SEZ6L: variants seen among roughly 807,000 people sequenced by gnomAD.
The protein encoded by SEZ6L is seizure related 6 homolog like.
SEZ6L carries 37 observed loss-of-function variants against 106.2 expected under a neutral mutation model. The ratio of observed to expected loss-of-function variants is 0.35; its 90% CI spans 0.27 to 0.46. The LOEUF is 0.46. SEZ6L is among the 20% of genes least tolerant of loss of function. The pLI, the probability that SEZ6L is intolerant of heterozygous loss-of-function variation, is 1.00. For synonymous variants in SEZ6L, 541 were observed against 570.4 expected, an observed-to-expected ratio of 0.95 and a Z score of 0.73; for missense variants, 1,172 against 1,332.8, an observed-to-expected ratio of 0.88 and a Z score of 1.88.
At chr22:26,331,524 GA>G (rs1466413993) in intron 9 of SEZ6L, among the ~76,000 whole-genome samples, 2 of 151,982 alleles carry the variant, frequency 1.3e-5, no homozygotes, top group East Asian at 3.8e-4. Context: ...AACCATAACA[GA>G]AAGCTTTTAT....
At chr22:26,178,691 T>G (rs1939185682) in intron 1 of SEZ6L, among the ~76,000 whole-genome samples, 1 of 152,148 alleles carries the variant, frequency 6.6e-6, no homozygotes. Context: ...CAAAATGGAA[T>G]GGGCTCTTCA....
chr22:26,187,216 T>C (rs780136540), intron 1 of SEZ6L, among the ~76,000 whole-genome samples: 1 of 152,202 alleles, frequency 6.6e-6, no homozygotes, highest in Non-Finnish European at 1.5e-5. Flanking sequence ...AAACATGTCC[T>C]TCTTCACATG....
At chr22:26,284,986 A>G (rs1445372876) in intron 1 of SEZ6L, among the ~76,000 whole-genome samples, 1 of 152,070 alleles carries the variant, frequency 6.6e-6, no homozygotes, top group Admixed American at 6.5e-5. Context: ...ATGAGATCCT[A>G]AGAGGGAATG....
At chr22:26,337,252 A>G (rs1278072278) in intron 9 of SEZ6L, among the ~76,000 whole-genome samples, 3 of 152,354 alleles carry the variant, frequency 2.0e-5, no homozygotes, top group African/African-American at 7.2e-5. Flanking sequence ...ACATTGCTCC[A>G]TCCTATTTTA....
intron 9 of SEZ6L, among the ~76,000 whole-genome samples, chr22:26,322,818 C>T (rs1054163970): frequency 6.6e-6 from 1 of 152,140 alleles, no homozygotes; most frequent in African/African-American, 2.4e-5. Flanking sequence ...ACCACGTATC[C>T]CTCCCAGCTC....
At chr22:26,284,604 C>CAAAAAAAAAAAAAAAA (rs137198) in intron 1 of SEZ6L, among the ~76,000 whole-genome samples, 1 of 64,022 alleles carries the variant, frequency 1.6e-5, no homozygotes, top group African/African-American at 4.5e-5. Context: ...ATCAGGACTC[C>CAAAAAAAAAAAAAAAA]AAAAAAAAAA....
At chr22:26,262,827 A>G (rs80121991) in intron 1 of SEZ6L, among the ~76,000 whole-genome samples, 2 of 152,234 alleles carry the variant, frequency 1.3e-5, no homozygotes, top group Non-Finnish European at 2.9e-5. Flanking sequence ...GGAGACCACC[A>G]TGAGTTCACT....
chr22:26,331,149 C>T (rs945422194), intron 9 of SEZ6L, among the ~76,000 whole-genome samples: 4 of 152,236 alleles, frequency 2.6e-5, no homozygotes, highest in African/African-American at 9.6e-5. Context: ...AGGGCACCTG[C>T]TGGGGAAGTC....
chr22:26,188,302 C>G (rs999164334), intron 1 of SEZ6L, among the ~76,000 whole-genome samples: 1 of 152,208 alleles, frequency 6.6e-6, no homozygotes, highest in Non-Finnish European at 1.5e-5. Context: ...ACTATTATCT[C>G]ACATGATTCT....
At chr22:26,223,986 A>G (rs1222304961) in intron 1 of SEZ6L, among the ~76,000 whole-genome samples, 1 of 152,194 alleles carries the variant, frequency 6.6e-6, no homozygotes, top group Non-Finnish European at 1.5e-5. Context: ...GGAACTAATT[A>G]CTATTAAATT....
chr22:26,297,014 A>G lies in SEZ6L; in HGVS notation c.1096A>G (p.Thr366Ala), dbSNP rs1197271533. The G allele has an allele frequency of 6.2e-6, 10 of 1,613,950 alleles. No homozygotes were observed. The Admixed American group carries it at 1.7e-4, about 27-fold the overall frequency. The change falls in exon 4 of 17, where the codon ACC becomes GCC. Residue 366 changes from threonine to alanine, a missense_variant. This residue lies in a region of SEZ6L where 534 missense variants were observed against 691.0 expected (regional missense o/e 0.77). Coordinates refer to ENST00000248933, the MANE Select transcript of SEZ6L (RefSeq NM_021115.5). ...GCAGGTAATCCGAAGCCCCACCAAC[A>G]CCATCTCCGTCTACTTCCGGACCTT... ...EGQVIRSPTN[T>A]ISVYFRTFQD...
In SEZ6L at chr22:26,296,871, C is replaced by T. The variant is rs1441509358; in HGVS notation, c.970-17C>T. ...ACAACTCAGAGTTCCTCTCTGTCTG[C>T]TTCTGCCTGTTCCCAGGTGAAGAGT... On this transcript the variant is annotated splice_polypyrimidine_tract_variant and intron_variant, in intron 3 of 16. Coordinates refer to ENST00000248933, the MANE Select transcript of SEZ6L (RefSeq NM_021115.5). 6.4e-7 allele frequency: 1 copy of T among 1,560,728 alleles called. No homozygotes were observed. The highest frequency in any genetic ancestry group is 1.2e-5 in the South Asian group (1 of 84,110).
At position 26,310,832 on chromosome 22, in the gene SEZ6L, T is replaced by C. The variant is rs752018614; in HGVS notation, c.1677T>C (p.Phe559=). Residue 559 remains phenylalanine, a synonymous_variant, in exon 7 of 17, where the codon TTT becomes TTC. Transcript: ENST00000248933. The part of the protein sequence containing the change: ...ARAASTFNIR[F]EAFEKGHCYE... Reference sequence around the variant, plus strand: ...CGGCCTCCACCTTCAACATCCGATTTGAAGGTGAGGGTCCCTGGGAGCTTC... The same window carrying C: ...CGGCCTCCACCTTCAACATCCGATTCGAAGGTGAGGGTCCCTGGGAGCTTC... 6.2e-7 allele frequency: 1 copy of C among 1,613,702 alleles called. No homozygotes were observed. Among genetic ancestry groups the C allele is most frequent in the Non-Finnish European group, 8.5e-7 (1 of 1,179,878 alleles).
chr22:26,303,925 C>T (rs2081530855), intron 5 of SEZ6L, among the ~76,000 whole-genome samples: 2 of 152,124 alleles, frequency 1.3e-5, no homozygotes. Context: ...AGAAATGGCT[C>T]CCAAGACTTG....
chr22:26,370,562 C>T (rs1020297644), intron 13 of SEZ6L, among the ~76,000 whole-genome samples: 1 of 152,098 alleles, frequency 6.6e-6, no homozygotes, highest in Non-Finnish European at 1.5e-5. Flanking sequence ...AGCAGTTTTC[C>T]TCTCTCCTCC....
chr22:26,354,193 T>C (rs906711349), intron 12 of SEZ6L, among the ~76,000 whole-genome samples: 2 of 152,216 alleles, frequency 1.3e-5, no homozygotes, highest in East Asian at 3.8e-4. Flanking sequence ...TGATTGGAAA[T>C]AGAATCTTTG....
At chr22:26,245,477 T>G (rs1941117) in intron 1 of SEZ6L, among the ~76,000 whole-genome samples, 36,021 of 152,000 alleles carry the variant, frequency 0.24, 5,072 homozygotes, top group East Asian at 0.38. Context: ...CTTCCCCATT[T>G]GGCATGCATT....
chr22:26,317,172 G>A (rs2082029700), intron 9 of SEZ6L, among the ~76,000 whole-genome samples: 1 of 152,190 alleles, frequency 6.6e-6, no homozygotes, highest in Non-Finnish European at 1.5e-5. Context: ...CTTAGCTGAA[G>A]CTTCACATAG....
intron 14 of SEZ6L, among the ~76,000 whole-genome samples, chr22:26,373,967 C>T (rs2084130399): frequency 6.6e-6 from 1 of 152,116 alleles, no homozygotes; most frequent in Admixed American, 6.5e-5. Context: ...CTTCAGCTCT[C>T]CTTTTATTAG....
Sources: allele counts gnomAD v4.1 joint callset (sites outside exome capture counted in the v4.1 genomes callset), GRCh38; gene constraint gnomAD v4.1.1; regional missense constraint gnomAD v4.1.1; transcripts MANE v1.5; gene names NCBI Gene and HGNC (gene_info 2026-07-23, HGNC 2026-07-21).